LZTS1: variants seen among roughly 807,000 people sequenced by gnomAD.
The protein encoded by LZTS1 is leucine zipper tumor suppressor 1.
A neutral mutation model predicts 45.8 loss-of-function variants in LZTS1; 31 were observed. The observed-to-expected ratio is 0.68, with a 90% CI of 0.51 to 0.91. The LOEUF (loss-of-function observed/expected upper bound fraction) is 0.91, where lower values mean the gene tolerates loss of function less well. Among genes scored for constraint, LZTS1 ranks in the 40% least tolerant of loss-of-function variants. The pLI is 0.00. For missense variants in LZTS1, 821 were observed against 788.9 expected (o/e 1.04, Z -0.49); for synonymous variants, 359 against 357.3 (o/e 1.00, Z -0.05).
chr8:20,282,211 C>T (rs998967970), intron 1 of LZTS1, among the ~76,000 whole-genome samples: 9 of 152,162 alleles, frequency 5.9e-5, no homozygotes, highest in Non-Finnish European at 1.3e-4. Context: ...GTGCACACAC[C>T]ATAATGACTC....
intron 1 of LZTS1, among the ~76,000 whole-genome samples, chr8:20,270,157 C>G (rs1049272300): frequency 1.3e-5 from 2 of 152,258 alleles, no homozygotes; most frequent in Non-Finnish European, 2.9e-5. Context: ...CAGTGCGCCG[C>G]GAGGCCCACA....
rs1436780400 is a variant in LZTS1 at position 20,246,943 on chromosome 8, G to A, written c.*2779C>T. On this transcript the variant is annotated 3_prime_UTR_variant, in exon 4 of 4. Coordinates refer to ENST00000381569, the MANE Select transcript of LZTS1 (RefSeq NM_021020.5). Reference sequence around the variant, plus strand: ...TGCTTGGAGGCTTCTGCTGTCCAGAGCCTCTTTCCAGAGAGGCAGAATCTG... The same window carrying A: ...TGCTTGGAGGCTTCTGCTGTCCAGAACCTCTTTCCAGAGAGGCAGAATCTG... 3 of 152,286 alleles carry A rather than the reference G, an allele frequency of 2.0e-5. No homozygotes were observed. Among genetic ancestry groups the A allele is most frequent in the African/African-American group, 4.8e-5 (2 of 41,458 alleles). 9.4% of individuals were successfully genotyped at this position (152,286 alleles called of 1,614,324 possible). A position where few individuals can be genotyped will look rare whatever the true frequency, so the allele number is the denominator to read the frequency against.
chr8:20,267,063 G>A (rs1800372619), intron 1 of LZTS1, among the ~76,000 whole-genome samples: 2 of 142,964 alleles, frequency 1.4e-5, no homozygotes, highest in South Asian at 2.2e-4. Context: ...AGCCAAGATC[G>A]CACCACTGCA....
intron 1 of LZTS1, among the ~76,000 whole-genome samples, chr8:20,256,941 G>T (rs1250438487): frequency 1.3e-5 from 2 of 152,188 alleles, no homozygotes; most frequent in African/African-American, 4.8e-5. Context: ...GGAGCACTCG[G>T]CATCTGGAGG....
chr8:20,292,605 G>A (rs74684229), intron 1 of LZTS1, among the ~76,000 whole-genome samples: 1,919 of 152,322 alleles, frequency 0.013, 36 homozygotes, highest in African/African-American at 0.044. Context: ...ACAGAGCGTT[G>A]TATCAGCTGT....
intron 1 of LZTS1, among the ~76,000 whole-genome samples, chr8:20,288,349 C>G (rs568926217): frequency 7.2e-5 from 11 of 152,264 alleles, no homozygotes; most frequent in Admixed American, 7.2e-4. Flanking sequence ...CTGGAGACAG[C>G]CTCCCTCCCT....
intron 1 of LZTS1, among the ~76,000 whole-genome samples, chr8:20,264,057 T>C (rs967942170): frequency 6.6e-6 from 1 of 152,180 alleles, no homozygotes; most frequent in Non-Finnish European, 1.5e-5. Context: ...TGGAAAATTC[T>C]CATGATTTGA....
chr8:20,256,060 CAAAAAAAAAAAAA>C (rs386412254), intron 1 of LZTS1, among the ~76,000 whole-genome samples: 24 of 56,456 alleles, frequency 4.3e-4, no homozygotes, highest in Non-Finnish European at 5.1e-4. Flanking sequence ...GGGCCTGACT[CAAAAAAAAAAAAA>C]AAAAAAAAAA....
chr8:20,287,920 A>C (rs1800821686), intron 1 of LZTS1, among the ~76,000 whole-genome samples: 1 of 149,970 alleles, frequency 6.7e-6, no homozygotes, highest in African/African-American at 2.5e-5. Flanking sequence ...AAAAAAAAAA[A>C]AGGTTCCTGG....
In LZTS1 at chr8:20,249,928, G is replaced by A. The variant is rs773191392; in HGVS notation, c.1585C>T (p.Arg529Trp). ...TCCTTCTCCTCCTTCCACACGAGCC[G>A]CTCATGCTGGAAGCCCGAGGACATC... ...DQMSSGFQHE[R>W]LVWKEEKEKV... The change falls in exon 4 of 4, where the codon CGG becomes TGG. Residue 529 changes from arginine to tryptophan, a missense_variant. Coordinates refer to ENST00000381569, the MANE Select transcript of LZTS1 (RefSeq NM_021020.5). 22 of 1,614,046 alleles carry A rather than the reference G, an allele frequency of 1.4e-5. No individual in the cohort carries two copies. The highest frequency in any genetic ancestry group is 8.3e-5 in the Admixed American group (5 of 60,008).
chr8:20,299,106 T>C (rs1443180288), intron 1 of LZTS1, among the ~76,000 whole-genome samples: 1 of 152,148 alleles, frequency 6.6e-6, no homozygotes, highest in Non-Finnish European at 1.5e-5. Flanking sequence ...AAACCTCCCA[T>C]TTTTTATGCA....
At chr8:20,267,637 T>C (rs1563875206) in intron 1 of LZTS1, among the ~76,000 whole-genome samples, 2 of 152,094 alleles carry the variant, frequency 1.3e-5, no homozygotes, top group African/African-American at 4.8e-5. Context: ...TGCCTCAGCC[T>C]CCCAAGTAGC....
At chr8:20,254,799 T>C in intron 2 of LZTS1, 38 bp downstream of exon 2, 1 of 1,541,602 alleles carries the variant, frequency 6.5e-7, no homozygotes, top group Non-Finnish European at 8.8e-7. Context: ...TCTCCTGCGT[T>C]TCCAACCCAC....
At chr8:20,261,293 TAAGAG>T (rs1585284067) in intron 1 of LZTS1, among the ~76,000 whole-genome samples, 1 of 152,052 alleles carries the variant, frequency 6.6e-6, no homozygotes, top group African/African-American at 2.4e-5. Flanking sequence ...CTTTAGACCT[TAAGAG>T]AAGAGAGAAA....
chr8:20,248,055 A>G lies in LZTS1; in HGVS notation c.*1667T>C, dbSNP rs569145985. On this transcript the variant is annotated 3_prime_UTR_variant, in exon 4 of 4. Transcript: ENST00000381569. ...AAAATCTGGCCAGGCACGGTGGCTC[A>G]CATCTGCAATCTCAGCACTTTGGGA... 3 of 152,312 alleles carry G rather than the reference A, an allele frequency of 2.0e-5. No individual in the cohort carries two copies. Among genetic ancestry groups the G allele is most frequent in the South Asian group, 4.2e-4 (2 of 4,806 alleles). The allele number at this position is 152,312 out of a possible 1,614,324, so 9.4% of individuals were successfully genotyped here. A position where few individuals can be genotyped will look rare whatever the true frequency, so the allele number is the denominator to read the frequency against.
intron 1 of LZTS1, among the ~76,000 whole-genome samples, chr8:20,273,657 C>T (rs1800518991): frequency 6.6e-6 from 1 of 152,162 alleles, no homozygotes; most frequent in Non-Finnish European, 1.5e-5. Flanking sequence ...GACCAGCCAC[C>T]AAGCCCTGTC....
At position 20,272,763 on chromosome 8, in the gene LZTS1, G is replaced by A. The variant is rs115824891; in HGVS notation, c.-134-17448C>T. 6.4e-3 allele frequency among the ~76,000 whole-genome samples: 977 copies of A among 152,252 alleles called. 9 individuals are homozygous for A. The highest frequency in any genetic ancestry group is 0.025 in the East Asian group (129 of 5,168). On this transcript the variant is annotated intron_variant, in intron 1 of 3. Transcript: ENST00000381569. ...TGCTGCCTCCTCTGTGCCTGTCACCGTGAAACAGAAGTCTGTCTTCATCTC... is the reference window on the plus strand; with the variant it reads ...TGCTGCCTCCTCTGTGCCTGTCACCATGAAACAGAAGTCTGTCTTCATCTC...
At chr8:20,256,206 G>A (rs573262810) in intron 1 of LZTS1, among the ~76,000 whole-genome samples, 8 of 152,112 alleles carry the variant, frequency 5.3e-5, no homozygotes, top group African/African-American at 1.9e-4. Flanking sequence ...GGCTGTGTGA[G>A]ACCCACATGG....
In LZTS1 at chr8:20,255,393, G is replaced by A. The variant is rs576216086; in HGVS notation, c.-134-78C>T. 2.8e-5 allele frequency: 29 copies of A among 1,047,238 alleles called. No homozygotes were observed. In the African/African-American group the frequency reaches 4.3e-4, roughly 16 times the overall value. The allele number at this position is 1,047,238 out of a possible 1,614,324, so 64.9% of individuals were successfully genotyped here. ...AGTGCTGATTCCGACTTCCAGATCT[G>A]GGCAGTAGAGAAACACATGTCAGAG... is the stretch of plus-strand genomic sequence containing the variant. On this transcript the variant is annotated intron_variant, in intron 1 of 3. Coordinates refer to ENST00000381569, the MANE Select transcript of LZTS1 (RefSeq NM_021020.5).
Sources: allele counts gnomAD v4.1 joint callset (sites outside exome capture counted in the v4.1 genomes callset), GRCh38; gene constraint gnomAD v4.1.1; transcripts MANE v1.5; gene names NCBI Gene and HGNC (gene_info 2026-07-23, HGNC 2026-07-21).